Variants in ANO4 observed in about 807,000 individuals in gnomAD.
ANO4 encodes the protein anoctamin-4.
A neutral mutation model predicts 141.9 loss-of-function variants in ANO4; 69 were observed. The observed-to-expected ratio is 0.49, with a 90% CI of 0.40 to 0.59. The LOEUF is 0.59. Among genes scored for constraint, ANO4 ranks in the 20% least tolerant of loss-of-function variants. ANO4 has a pLI of 0.00. For missense variants in ANO4, 894 were observed against 1,162.2 expected (o/e 0.77, Z 3.36); for synonymous variants, 350 against 394.3 (o/e 0.89, Z 1.33).
chr12:101,010,420 T>C (rs2046037468), intron 8 of ANO4, among the ~76,000 whole-genome samples: 1 of 152,168 alleles, frequency 6.6e-6, no homozygotes, highest in Non-Finnish European at 1.5e-5. Context: ...GTCATCCTGA[T>C]CTAAAAAAAG....
At chr12:100,929,526 A>G (rs1306432851) in intron 3 of ANO4, among the ~76,000 whole-genome samples, 1 of 152,186 alleles carries the variant, frequency 6.6e-6, no homozygotes, top group Non-Finnish European at 1.5e-5. Flanking sequence ...GTTGATGGAC[A>G]CTTAGGTTCC....
At chr12:100,720,811 A>C (rs2030831221) in intron 1 of ANO4, among the ~76,000 whole-genome samples, 1 of 152,196 alleles carries the variant, frequency 6.6e-6, no homozygotes, top group Non-Finnish European at 1.5e-5. Context: ...GAAGATAATA[A>C]TAATGGCACT....
rs775067695 is a variant in ANO4 at position 101,079,225 on chromosome 12, C to T, written c.1345C>T (p.Arg449Ter). The T allele has an allele frequency of 7.4e-6, 12 of 1,613,836 alleles. No homozygotes were observed. Among genetic ancestry groups the T allele is most frequent in the Non-Finnish European group, 1.0e-5 (12 of 1,179,888 alleles). Reference protein sequence around the residue: ...TVFLEFWKRRRAVIAYDWDLI... With the variant: ...TVFLEFWKRR ...TTTCCTGGAGTTTTGGAAAAGACGG[C>T]GAGCAGTAATTGCTTATGACTGGGA... The change falls in exon 15 of 28, where the codon CGA becomes TGA. Residue 449 changes from arginine (R) to a stop codon, truncating the protein, a stop_gained. Coordinates refer to ENST00000392977, the MANE Select transcript of ANO4 (RefSeq NM_001286615.2). LOFTEE classifies it high-confidence loss of function.
At chr12:100,898,971 TGCACCAGTG>T (rs1482997227) in intron 1 of ANO4, among the ~76,000 whole-genome samples, 12 of 152,202 alleles carry the variant, frequency 7.9e-5, no homozygotes, top group African/African-American at 2.9e-4. Context: ...ACAGGGAACA[TGCACCAGTG>T]GCACAGAGCA....
chr12:100,940,223 A>T (rs1368954184), intron 4 of ANO4, among the ~76,000 whole-genome samples: 2 of 148,498 alleles, frequency 1.3e-5, no homozygotes, highest in South Asian at 2.1e-4. Context: ...TTGTTTCATT[A>T]AAAAAAAACA....
intron 1 of ANO4, among the ~76,000 whole-genome samples, chr12:100,821,802 A>G (rs1367959187): frequency 1.3e-5 from 2 of 152,074 alleles, no homozygotes; most frequent in African/African-American, 2.4e-5. Flanking sequence ...CAGCAAGTTA[A>G]TGAACATTTT....
chr12:100,948,236 A>G (rs953605139), intron 5 of ANO4, among the ~76,000 whole-genome samples: 4 of 151,930 alleles, frequency 2.6e-5, no homozygotes, highest in Admixed American at 2.0e-4. Flanking sequence ...GTAAAGGAAC[A>G]AGGAAAATTG....
chr12:100,804,441 A>T (rs763209823), intron 1 of ANO4, among the ~76,000 whole-genome samples: 10 of 152,150 alleles, frequency 6.6e-5, no homozygotes, highest in Non-Finnish European at 1.3e-4. Flanking sequence ...TAATAAAATG[A>T]TTTATATTTC....
intron 3 of ANO4, among the ~76,000 whole-genome samples, chr12:100,750,329 A>G (rs2032318081): frequency 6.7e-6 from 1 of 148,386 alleles, no homozygotes; most frequent in Non-Finnish European, 1.5e-5. Flanking sequence ...TTTTTAGTAG[A>G]GACAGGGTTT....
At chr12:100,952,177 G>T (rs1291374285) in intron 5 of ANO4, among the ~76,000 whole-genome samples, 1 of 152,154 alleles carries the variant, frequency 6.6e-6, no homozygotes, top group Admixed American at 6.5e-5. Context: ...GTATTTGAGG[G>T]GAAGAATAGA....
At chr12:100,784,272 C>T (rs1321134571) in intron 3 of ANO4, among the ~76,000 whole-genome samples, 1 of 152,156 alleles carries the variant, frequency 6.6e-6, no homozygotes, top group Non-Finnish European at 1.5e-5. Flanking sequence ...AATCCTCCTA[C>T]TCTTTCTCTA....
At chr12:101,009,694 G>A (rs2046003490) in intron 8 of ANO4, among the ~76,000 whole-genome samples, 1 of 152,016 alleles carries the variant, frequency 6.6e-6, no homozygotes, top group South Asian at 2.1e-4. Context: ...GTATCTTGAT[G>A]TGGTTCTATG....
intron 14 of ANO4, among the ~76,000 whole-genome samples, chr12:101,052,538 T>A (rs2047917987): frequency 6.6e-6 from 1 of 152,156 alleles, no homozygotes; most frequent in African/African-American, 2.4e-5. Flanking sequence ...AAAAGTTAAG[T>A]TATCCCCAGT....
chr12:100,806,929 A>G (rs1304967889), intron 1 of ANO4, among the ~76,000 whole-genome samples: 3 of 151,906 alleles, frequency 2.0e-5, no homozygotes, highest in Non-Finnish European at 2.9e-5. Flanking sequence ...TGTCTTTGAT[A>G]TTGTTTATGG....
At chr12:100,913,665 T>C (rs943528248) in intron 2 of ANO4, among the ~76,000 whole-genome samples, 1 of 152,208 alleles carries the variant, frequency 6.6e-6, no homozygotes, top group East Asian at 1.9e-4. Flanking sequence ...CCGCTGAAGA[T>C]AGGGCGGGAT....
chr12:101,050,810 C>A (rs1484592536), intron 14 of ANO4, among the ~76,000 whole-genome samples: 1 of 152,190 alleles, frequency 6.6e-6, no homozygotes, highest in Non-Finnish European at 1.5e-5. Flanking sequence ...CCCAAACACC[C>A]CAGCCTCAGA....
intron 5 of ANO4, among the ~76,000 whole-genome samples, chr12:100,966,772 A>T (rs973860968): frequency 5.3e-5 from 8 of 151,894 alleles, no homozygotes; most frequent in African/African-American, 1.9e-4. Context: ...GTGTGTGTTT[A>T]TACTATATAT....
At chr12:100,867,143 T>A (rs1224391833) in intron 1 of ANO4, among the ~76,000 whole-genome samples, 3 of 152,196 alleles carry the variant, frequency 2.0e-5, no homozygotes, top group Non-Finnish European at 4.4e-5. Flanking sequence ...CTGTGTTGAT[T>A]GCTGCAATAA....
At position 100,995,035 on chromosome 12, in the gene ANO4, A is replaced by G. The variant is rs561329261; in HGVS notation, c.734+7365A>G. On this transcript the variant is annotated intron_variant, in intron 8 of 27. Transcript: ENST00000392977. ...AAATTATCCAGCCTCAAAAGTCACT[A>G]TTAGTGTGCTGAGGTAAACATTTTT... Among the ~76,000 whole-genome samples, 146 of 151,724 alleles carry G rather than the reference A, an allele frequency of 9.6e-4. 1 individual carries two copies. The highest frequency in any genetic ancestry group is 3.3e-3 in the African/African-American group (135 of 41,410).
Sources: allele counts gnomAD v4.1 joint callset (sites outside exome capture counted in the v4.1 genomes callset), GRCh38; gene constraint gnomAD v4.1.1; transcripts MANE v1.5; gene names NCBI Gene and HGNC (gene_info 2026-07-23, HGNC 2026-07-21).